DMD: variants seen among roughly 807,000 people sequenced by gnomAD.
The protein encoded by DMD is dystrophin.
A neutral mutation model predicts 330.1 loss-of-function variants in DMD; 63 were observed. That is an observed-to-expected ratio of 0.19 (90% CI 0.16 to 0.24). The LOEUF (loss-of-function observed/expected upper bound fraction) is 0.24, where lower values mean the gene tolerates loss of function less well. Among genes scored for constraint, DMD ranks in the 10% least tolerant of loss-of-function variants. DMD has a pLI of 1.00. For missense variants in DMD, 3,344 were observed against 2,684.1 expected, an observed-to-expected ratio of 1.25 and a Z score of -5.43; for synonymous variants, 1,223 against 959.8, an observed-to-expected ratio of 1.27 and a Z score of -5.07.
At chrX:32,666,319 C>A (rs2061301479) in intron 9 of DMD, among the ~76,000 whole-genome samples, 1 of 110,807 alleles carries the variant, frequency 9.0e-6, no homozygotes, top group African/African-American at 3.3e-5. Flanking sequence ...TTAAGCCCTG[C>A]ATGCATTAGG....
intron 54 of DMD, among the ~76,000 whole-genome samples, chrX:31,635,332 T>A (rs947811597): frequency 1.8e-5 from 2 of 111,973 alleles, no homozygotes; most frequent in African/African-American, 3.2e-5. Flanking sequence ...GCTTTTCTTC[T>A]CTCCTAAAAG....
intron 3 of DMD, among the ~76,000 whole-genome samples, chrX:32,848,132 C>T (rs370130942): frequency 5.4e-5 from 6 of 111,855 alleles, no homozygotes; most frequent in African/African-American, 9.7e-5. Flanking sequence ...GAAGTGATCA[C>T]GCAGATACCT....
intron 44 of DMD, among the ~76,000 whole-genome samples, chrX:32,130,616 C>A (rs186849896): frequency 1.9e-5 from 2 of 106,846 alleles, no homozygotes; most frequent in South Asian, 4.2e-4. Flanking sequence ...CATCTCCTGG[C>A]ACTTACCTCT....
At chrX:32,318,510 A>G (rs1394001970) in intron 41 of DMD, among the ~76,000 whole-genome samples, 1 of 111,269 alleles carries the variant, frequency 9.0e-6, no homozygotes, top group Non-Finnish European at 1.9e-5. Context: ...TAATCAATCT[A>G]ATGAGTCTAA....
chrX:31,272,320 T>C (rs1003579580), intron 62 of DMD, among the ~76,000 whole-genome samples: 12 of 112,192 alleles, frequency 1.1e-4, no homozygotes, highest in African/African-American at 3.9e-4. Context: ...GAGTACCTAT[T>C]AGCCTGCCAG....
intron 13 of DMD, among the ~76,000 whole-genome samples, chrX:32,585,825 A>T (rs1425560244): frequency 9.3e-6 from 1 of 107,457 alleles, no homozygotes; most frequent in Non-Finnish European, 1.9e-5. Context: ...TCATTTGATA[A>T]TTTTTATCAT....
At chrX:33,246,682 G>A (rs917661102) in intron 1 of DMD, among the ~76,000 whole-genome samples, 7 of 110,123 alleles carry the variant, frequency 6.4e-5, no homozygotes, top group African/African-American at 1.7e-4. Context: ...TTGCTTGTTT[G>A]TTTGTTTTGT....
chrX:31,307,656 G>A (rs2055148566), intron 62 of DMD, among the ~76,000 whole-genome samples: 1 of 111,312 alleles, frequency 9.0e-6, no homozygotes, highest in Admixed American at 9.6e-5. Context: ...TATCAACATC[G>A]GGCATTCATG....
At chrX:32,431,631 T>A (rs2098238748) in intron 29 of DMD, among the ~76,000 whole-genome samples, 1 of 111,648 alleles carries the variant, frequency 9.0e-6, no homozygotes, top group Non-Finnish European at 1.9e-5. Flanking sequence ...ACTAATATGT[T>A]TATATATGAT....
At chrX:31,672,720 C>T (rs1271690442) in intron 53 of DMD, among the ~76,000 whole-genome samples, 1 of 111,998 alleles carries the variant, frequency 8.9e-6, no homozygotes, top group African/African-American at 3.2e-5. Flanking sequence ...TCCAGATATT[C>T]CACTGAGTTC....
chrX:33,253,614 A>G (rs1454139914), intron 1 of DMD, among the ~76,000 whole-genome samples: 2 of 111,644 alleles, frequency 1.8e-5, no homozygotes, highest in African/African-American at 6.5e-5. Context: ...CTTCTCATCC[A>G]TTAAATAGAG....
chrX:32,335,546 A>G (rs1345458886), intron 41 of DMD, among the ~76,000 whole-genome samples: 1 of 91,791 alleles, frequency 1.1e-5, no homozygotes, highest in African/African-American at 4.0e-5. Context: ...TGTTATATAT[A>G]ACGTGTATAT....
At chrX:32,601,221 C>A (rs763944954) in intron 12 of DMD, among the ~76,000 whole-genome samples, 2 of 111,436 alleles carry the variant, frequency 1.8e-5, no homozygotes, top group Non-Finnish European at 3.8e-5. Flanking sequence ...TCTAGCTTTC[C>A]ATGAAGATCT....
At chrX:32,252,697 A>AATATATATAAAT (rs2097271769) in intron 43 of DMD, among the ~76,000 whole-genome samples, 3 of 41,917 alleles carry the variant, frequency 7.2e-5, no homozygotes, top group Non-Finnish European at 8.2e-5. Flanking sequence ...TATATATATA[A>AATATATATAAAT]ATATATATAA....
intron 19 of DMD, among the ~76,000 whole-genome samples, chrX:32,498,823 G>T (rs1364348485): frequency 1.8e-5 from 2 of 111,627 alleles, no homozygotes; most frequent in Non-Finnish European, 3.8e-5. Flanking sequence ...ACGTACAACT[G>T]ATTTTTAACA....
At chrX:31,304,121 T>C (rs1353665551) in intron 62 of DMD, among the ~76,000 whole-genome samples, 2 of 112,115 alleles carry the variant, frequency 1.8e-5, no homozygotes, top group African/African-American at 6.5e-5. Context: ...CAGTAACAAG[T>C]AGCAGTTTCT....
intron 60 of DMD, among the ~76,000 whole-genome samples, chrX:31,407,987 GACAA>G (rs893653426): frequency 3.0e-4 from 33 of 111,645 alleles, no homozygotes; most frequent in South Asian, 1.1e-3. Context: ...GACATAATGA[GACAA>G]ACAAACAAAC....
At chrX:31,158,818 T>C (rs1245243768) in intron 74 of DMD, among the ~76,000 whole-genome samples, 1 of 112,064 alleles carries the variant, frequency 8.9e-6, no homozygotes, top group Non-Finnish European at 1.9e-5. Flanking sequence ...AAAAATGGTA[T>C]GCACATGTCT....
intron 60 of DMD, among the ~76,000 whole-genome samples, chrX:31,427,722 T>C (rs933689429): frequency 2.7e-5 from 3 of 111,395 alleles, no homozygotes; most frequent in Non-Finnish European, 5.6e-5. Flanking sequence ...CACAGAAATT[T>C]AGATAAATGT....
Sources: gnomAD v4.1 joint callset for allele counts (sites outside exome capture counted in the v4.1 genomes callset) on GRCh38, gnomAD v4.1.1 for gene constraint, MANE v1.5 for transcripts, NCBI Gene and HGNC (gene_info 2026-07-23, HGNC 2026-07-21) for gene names.